STK32B: variants seen among roughly 807,000 people sequenced by gnomAD.
STK32B encodes serine/threonine-protein kinase 32B.
A neutral mutation model predicts 52.6 loss-of-function variants in STK32B; 43 were observed. The ratio of observed to expected loss-of-function variants is 0.82; its 90% CI spans 0.64 to 1.05. STK32B has a LOEUF of 1.05. STK32B is among the 50% of genes least tolerant of loss of function. The pLI is 0.00. For synonymous variants in STK32B, 238 were observed against 204.3 expected, an observed-to-expected ratio of 1.17 and a Z score of -1.41; for missense variants, 621 against 534.6, an observed-to-expected ratio of 1.16 and a Z score of -1.59.
At chr4:5,369,863 A>ATT (rs200885526) in intron 4 of STK32B, among the ~76,000 whole-genome samples, 2 of 144,892 alleles carry the variant, frequency 1.4e-5, no homozygotes, top group Admixed American at 6.8e-5. Context: ...CAAAGAGTAT[A>ATT]TTTTTTTTGT....
intron 4 of STK32B, among the ~76,000 whole-genome samples, chr4:5,376,967 A>C (rs901513898): frequency 2.0e-5 from 3 of 151,910 alleles, no homozygotes; most frequent in Non-Finnish European, 4.4e-5. Context: ...ATTTCTGGTT[A>C]GTTCCCAGCT....
chr4:5,062,098 G>C (rs1028792702), intron 1 of STK32B, among the ~76,000 whole-genome samples: 7 of 152,150 alleles, frequency 4.6e-5, no homozygotes. Flanking sequence ...GTATTTATCT[G>C]TACACGAGCG....
chr4:5,364,396 G>A (rs116174103), intron 4 of STK32B, among the ~76,000 whole-genome samples: 2,675 of 152,276 alleles, frequency 0.018, 41 homozygotes, highest in Middle Eastern at 0.031. Flanking sequence ...GTCCCTGCTA[G>A]CTTCATTTGT....
the STK32B span, among the ~76,000 whole-genome samples, chr4:5,022,715 C>T: frequency 5.3e-5 from 8 of 152,308 alleles, no homozygotes; most frequent in South Asian, 8.3e-4. Context: ...AGGTAGATAT[C>T]GGCCATTGCC....
chr4:5,315,995 G>A (rs34743203), intron 3 of STK32B, among the ~76,000 whole-genome samples: 19,121 of 149,602 alleles, frequency 0.13, 2,671 homozygotes, highest in African/African-American at 0.36. Flanking sequence ...GTGAGCCACC[G>A]GGACTGGCCG....
At chr4:5,245,383 A>C (rs552379442) in intron 3 of STK32B, among the ~76,000 whole-genome samples, 142 of 152,268 alleles carry the variant, frequency 9.3e-4, no homozygotes, top group African/African-American at 3.1e-3. Context: ...CTGTTTTATC[A>C]GAGACTAGGA....
At chr4:5,308,588 CTCAT>C (rs1730081958) in intron 3 of STK32B, among the ~76,000 whole-genome samples, 3 of 152,178 alleles carry the variant, frequency 2.0e-5, no homozygotes, top group African/African-American at 7.2e-5. Context: ...CATTTAGTCA[CTCAT>C]TCATATGTGC....
At chr4:5,301,708 T>G (rs1729568173) in intron 3 of STK32B, among the ~76,000 whole-genome samples, 1 of 150,766 alleles carries the variant, frequency 6.6e-6, no homozygotes, top group Admixed American at 6.6e-5. Context: ...TTGTAATTTT[T>G]GTCACTTTTC....
intron 5 of STK32B, among the ~76,000 whole-genome samples, chr4:5,409,784 G>A (rs1216140701): frequency 6.6e-6 from 1 of 152,130 alleles, no homozygotes; most frequent in East Asian, 1.9e-4. Flanking sequence ...CCTGTGCATG[G>A]GGGCAGCCTG....
chr4:5,268,781 A>G (rs145511841), intron 3 of STK32B, among the ~76,000 whole-genome samples: 40 of 152,228 alleles, frequency 2.6e-4, no homozygotes, highest in African/African-American at 9.1e-4. Context: ...AAAGCAGGCT[A>G]AGGGCTTCGG....
At chr4:5,034,252 T>C in the STK32B span, among the ~76,000 whole-genome samples, 1 of 152,214 alleles carries the variant, frequency 6.6e-6, no homozygotes, top group African/African-American at 2.4e-5. Context: ...AATCAGTCTT[T>C]TGAAAAATGA....
intron 4 of STK32B, among the ~76,000 whole-genome samples, chr4:5,393,281 A>G (rs945712645): frequency 1.3e-5 from 2 of 152,070 alleles, no homozygotes; most frequent in African/African-American, 2.4e-5. Context: ...GCACCTTTCC[A>G]TGTGCCTGGC....
At chr4:5,328,124 C>T (rs2108949494) in intron 3 of STK32B, among the ~76,000 whole-genome samples, 1 of 152,320 alleles carries the variant, frequency 6.6e-6, no homozygotes, top group South Asian at 2.1e-4. Flanking sequence ...GAGTTAAGGC[C>T]TTGCTCTGGA....
chr4:5,385,236 A>C (rs1032093424), intron 4 of STK32B, among the ~76,000 whole-genome samples: 2 of 151,950 alleles, frequency 1.3e-5, no homozygotes, highest in African/African-American at 4.8e-5. Flanking sequence ...GAAATGTTTG[A>C]AGAGAGGGAC....
upstream of STK32B, among the ~76,000 whole-genome samples, chr4:5,047,672 C>A (rs150877292): frequency 8.4e-4 from 128 of 152,236 alleles, no homozygotes; most frequent in Non-Finnish European, 1.4e-3. Flanking sequence ...CCCTGCAGGG[C>A]TCCTGGATGA....
At chr4:5,293,438 C>T (rs1293371495) in intron 3 of STK32B, among the ~76,000 whole-genome samples, 1 of 152,130 alleles carries the variant, frequency 6.6e-6, no homozygotes, top group African/African-American at 2.4e-5. Context: ...TCTCCACATC[C>T]TCTCCAGCAT....
intron 4 of STK32B, among the ~76,000 whole-genome samples, chr4:5,347,149 T>C (rs1733525908): frequency 6.6e-6 from 1 of 152,234 alleles, no homozygotes; most frequent in East Asian, 1.9e-4. Context: ...TCAGTCACCA[T>C]AAAAAGTGTT....
chr4:5,209,175 G>C lies in STK32B; in HGVS notation c.260+40725G>C, dbSNP rs1389564849. Among the ~76,000 whole-genome samples, 5 of 152,148 alleles carry C rather than the reference G, an allele frequency of 3.3e-5. No individual in the cohort carries two copies. The East Asian group carries it at 7.7e-4, about 23-fold the overall frequency. On this transcript the variant is annotated intron_variant, in intron 3 of 11. Transcript: ENST00000282908. ...TATTAACAGTAGGGTGGGTGAAGAGGGAGAGATATCGGAAGACTTATGTGT... is the reference window on the plus strand; with the variant it reads ...TATTAACAGTAGGGTGGGTGAAGAGCGAGAGATATCGGAAGACTTATGTGT...
At chr4:5,182,590 TA>T (rs1284097235) in intron 3 of STK32B, among the ~76,000 whole-genome samples, 2 of 151,958 alleles carry the variant, frequency 1.3e-5, no homozygotes, top group East Asian at 3.9e-4. Flanking sequence ...GCCTCCTGAG[TA>T]GCTGGGACTA....
Sources: allele counts gnomAD v4.1 joint callset (sites outside exome capture counted in the v4.1 genomes callset), GRCh38; gene constraint gnomAD v4.1.1; transcripts MANE v1.5; gene names NCBI Gene and HGNC (gene_info 2026-07-23, HGNC 2026-07-21).